The following PIP5K1C variants were observed in gnomAD, a reference collection of about 807,000 sequenced individuals.
PIP5K1C encodes phosphatidylinositol 4-phosphate 5-kinase type-1 gamma.
In PIP5K1C, 45 loss-of-function variants were observed where a neutral mutation model predicts 80.1. The ratio of observed to expected loss-of-function variants is 0.56; its 90% CI spans 0.44 to 0.72. The LOEUF (loss-of-function observed/expected upper bound fraction) is 0.72, where lower values mean the gene tolerates loss of function less well. Ranked by LOEUF, PIP5K1C falls within the 30% of genes least tolerant of loss-of-function variation. The pLI, the probability that PIP5K1C is intolerant of heterozygous loss-of-function variation, is 0.00. For synonymous variants in PIP5K1C, 498 were observed against 420.1 expected, an observed-to-expected ratio of 1.19 and a Z score of -2.27; for missense variants, 753 against 954.6, an observed-to-expected ratio of 0.79 and a Z score of 2.78.
Position 3,643,269 on chromosome 19 carries a change from C to T in PIP5K1C, c.1623G>A (p.Ser541=), listed in dbSNP as rs768352126. 5 of 1,613,606 alleles carry T rather than the reference C, an allele frequency of 3.1e-6. No individual in the cohort carries two copies. Among genetic ancestry groups the T allele is most frequent in the African/African-American group, 2.7e-5 (2 of 74,884 alleles). The part of the protein sequence containing the change: ...TSLSIPERSP[S]ETSEQPRYRR... ...TGTACCGCGGCTGCTCCGACGTCTC[C>T]GAGGGGGACCGCTCAGGAATGGAGA... The change falls in exon 13 of 18, where the codon TCG becomes TCA. Residue 541 remains serine (S), a synonymous_variant. Coordinates refer to ENST00000335312, the MANE Select transcript of PIP5K1C (RefSeq NM_012398.3).
rs1417763626 is a variant in PIP5K1C at position 3,696,540 on chromosome 19, T to C, written c.94+3757A>G. Among the ~76,000 whole-genome samples the C allele has an allele frequency of 7.3e-6, 1 of 137,130 alleles. No individual in the cohort carries two copies. Among genetic ancestry groups the C allele is most frequent in the Admixed American group, 7.7e-5 (1 of 12,980 alleles). The allele number at this position is 137,130 out of a possible 152,430, so 90.0% of individuals were successfully genotyped here. Reference sequence around the variant, plus strand: ...GCAGGGAGGCCTCACGGAGAGGAGATGCTCCCACAAAACCTGGAAAGCGCT... The same window carrying C: ...GCAGGGAGGCCTCACGGAGAGGAGACGCTCCCACAAAACCTGGAAAGCGCT... On this transcript the variant is annotated intron_variant, in intron 1 of 17. Coordinates refer to ENST00000335312, the MANE Select transcript of PIP5K1C (RefSeq NM_012398.3). This position sits in a 1 kb window ranked among gnomAD's most constrained non-coding sequence, Gnocchi z 4.1.
At position 3,653,573 on chromosome 19, in the gene PIP5K1C, G is replaced by C; in HGVS notation, c.638C>G (p.Pro213Arg). ...PGYYMNLNQN[P>R]RTLLPKFYGL... ...ATAGAACTTGGGCAGCAGCGTCCGCGGGTTCTGGTTGAGGTTCTGCCGGGG... is the reference window on the plus strand; with the variant it reads ...ATAGAACTTGGGCAGCAGCGTCCGCCGGTTCTGGTTGAGGTTCTGCCGGGG... The change falls in exon 7 of 18, where the codon CCG (proline) becomes CGG (arginine). Residue 213 changes from proline (P) to arginine (R), a missense_variant. This residue lies in a region of PIP5K1C where 139 missense variants were observed against 289.7 expected (regional missense o/e 0.48). Coordinates refer to ENST00000335312, the MANE Select transcript of PIP5K1C (RefSeq NM_012398.3). 6.2e-7 allele frequency: 1 copy of C among 1,608,362 alleles called. No individual in the cohort carries two copies. Among genetic ancestry groups the C allele is most frequent in the Non-Finnish European group, 8.5e-7 (1 of 1,175,514 alleles).
At chr19:3,700,046 C>T (rs2036247744) in intron 1 of PIP5K1C, among the ~76,000 whole-genome samples, 1 of 152,160 alleles carries the variant, frequency 6.6e-6, no homozygotes, top group Admixed American at 6.5e-5. Context: ...CGGGGATCCC[C>T]AGCGGCGCCC....
intron 3 of PIP5K1C, 117 bp from the exon 4 acceptor site, chr19:3,662,118 C>T (rs2034854360): frequency 7.8e-7 from 1 of 1,279,736 alleles, no homozygotes; most frequent in African/African-American, 1.5e-5. Context: ...CGGCACCTGC[C>T]AACCCCCTCC....
chr19:3,697,135 T>TGAGCCGGACGAAGGAGAACC (rs2036141575), intron 1 of PIP5K1C, among the ~76,000 whole-genome samples: 1 of 138,692 alleles, frequency 7.2e-6, no homozygotes, highest in Non-Finnish European at 1.5e-5. Flanking sequence ...GAAGGAGGAC[T>TGAGCCGGACGAAGGAGAACC]GAGCCGGACG....
Position 3,633,184 on chromosome 19 carries a change from G to C in PIP5K1C, c.2005-15C>G, listed in dbSNP as rs763850408. 1.3e-6 allele frequency: 1 copy of C among 767,474 alleles called. No homozygotes were observed. The allele number at this position is 767,474 out of a possible 1,614,324, so 47.5% of individuals were successfully genotyped here. ...CATAGAAATTACTGCAAGAGCAAGA[G>C]GACAGGTGAAGGTGGGCGGGGCGAG... On this transcript the variant is annotated splice_polypyrimidine_tract_variant and intron_variant, in intron 17 of 17. Coordinates refer to ENST00000335312, the MANE Select transcript of PIP5K1C (RefSeq NM_012398.3).
rs1367025957 is a variant in PIP5K1C, at chr19:3,688,456, C to T, written c.94+11841G>A. ...CCGGAAGGCTATTTCCAGGGCAGCA[C>T]CCCCAGGACTCTGGGGCACACACGT... is the stretch of plus-strand genomic sequence containing the variant. On this transcript the variant is annotated intron_variant, in intron 1 of 17. Coordinates refer to ENST00000335312, the MANE Select transcript of PIP5K1C (RefSeq NM_012398.3). The surrounding 1 kb of genome is among the most constrained non-coding windows in gnomAD (Gnocchi z 5.3). 6.6e-6 allele frequency among the ~76,000 whole-genome samples: 1 copy of T among 152,102 alleles called. No individual in the cohort carries two copies. The highest frequency in any genetic ancestry group is 1.5e-5 in the Non-Finnish European group (1 of 67,996).
At position 3,632,902 on chromosome 19, in the gene PIP5K1C, CT is replaced by C. The variant is rs2145356395; in HGVS notation, c.*264del. The C allele has an allele frequency of 3.9e-6, 2 of 514,470 alleles. No homozygotes were observed. The highest frequency in any genetic ancestry group is 6.8e-6 in the Non-Finnish European group (2 of 292,156). The allele number at this position is 514,470 out of a possible 1,614,324, so 31.9% of individuals were successfully genotyped here. On this transcript the variant is annotated 3_prime_UTR_variant, in exon 18 of 18. Transcript: ENST00000335312. The stretch of plus-strand genomic sequence containing the variant: ...AAACGGCACACACGTGCTTCCGTCT[CT>C]GTGCCAAATAAGGACTCAAATGCGA...
In PIP5K1C at chr19:3,667,364, G is replaced by A. The variant is rs779304266; in HGVS notation, c.95-11C>T. On this transcript the variant is annotated splice_polypyrimidine_tract_variant and intron_variant, in intron 1 of 17. Transcript: ENST00000335312. ...TCTTCTGAGCCAAACCTGCAGAAGAGACAAGCTGGGTATCAGACAGGAAAC... is the reference window on the plus strand; with the variant it reads ...TCTTCTGAGCCAAACCTGCAGAAGAAACAAGCTGGGTATCAGACAGGAAAC... The A allele has an allele frequency of 6.2e-7, 1 of 1,612,870 alleles. No homozygotes were observed. The highest frequency in any genetic ancestry group is 8.5e-7 in the Non-Finnish European group (1 of 1,179,920).
At chr19:3,671,040 A>C (rs1210899391) in intron 1 of PIP5K1C, among the ~76,000 whole-genome samples, 1 of 152,132 alleles carries the variant, frequency 6.6e-6, no homozygotes, top group Non-Finnish European at 1.5e-5. Context: ...TCACGGTTTT[A>C]CGTCCAGGGT....
chr19:3,639,100 G>A, intron 15 of PIP5K1C, 84 bp from the exon 16 acceptor site: 1 of 1,475,822 alleles, frequency 6.8e-7, no homozygotes, highest in Non-Finnish European at 9.3e-7. Flanking sequence ...CCCAGGCAGG[G>A]GCTTCATACG....
intron 6 of PIP5K1C, 42 bp downstream of exon 6, chr19:3,656,363 G>A (rs2034632862): frequency 2.5e-6 from 4 of 1,610,092 alleles, no homozygotes; most frequent in African/African-American, 2.7e-5. Context: ...GGAGAAGGGG[G>A]TTGACCGAGG....
At chr19:3,673,488 G>A (rs537137826) in intron 1 of PIP5K1C, among the ~76,000 whole-genome samples, 3 of 152,334 alleles carry the variant, frequency 2.0e-5, no homozygotes, top group South Asian at 2.1e-4. Context: ...AGAAAGGGGC[G>A]GCAGTGGGAC....
At chr19:3,667,390 C>G in intron 1 of PIP5K1C, 37 bp from the exon 2 acceptor site, 1 of 1,612,458 alleles carries the variant, frequency 6.2e-7, no homozygotes, top group Non-Finnish European at 8.5e-7. Flanking sequence ...GACAGGAAAC[C>G]GGTGACCTCT....
At chr19:3,681,761 A>C (rs1235455925) in intron 1 of PIP5K1C, among the ~76,000 whole-genome samples, 1 of 151,564 alleles carries the variant, frequency 6.6e-6, no homozygotes, top group Non-Finnish European at 1.5e-5. Flanking sequence ...CGGCAGCCCC[A>C]GGGCAGCCCC....
chr19:3,650,646 T>C (rs965670295), intron 8 of PIP5K1C, among the ~76,000 whole-genome samples: 15 of 152,208 alleles, frequency 9.9e-5, no homozygotes, highest in Non-Finnish European at 1.6e-4. Flanking sequence ...CTGAGCCCTG[T>C]GAGGGCAGGG....
At chr19:3,676,628 C>T (rs1270165002) in intron 1 of PIP5K1C, among the ~76,000 whole-genome samples, 1 of 152,166 alleles carries the variant, frequency 6.6e-6, no homozygotes, top group Non-Finnish European at 1.5e-5. Context: ...TCATGATCAC[C>T]GTTTGACAGG....
chr19:3,675,134 G>A (rs960673708), intron 1 of PIP5K1C, among the ~76,000 whole-genome samples: 2 of 152,178 alleles, frequency 1.3e-5, no homozygotes, highest in Non-Finnish European at 2.9e-5. Context: ...GTTTGCTTTC[G>A]GGGTGATGGA....
rs1256082994 is a variant in PIP5K1C at position 3,700,422 on chromosome 19, A to G, written c.-32T>C. The G allele has an allele frequency of 2.9e-6, 3 of 1,051,810 alleles. No homozygotes were observed. The East Asian group carries it at 2.2e-4, about 76-fold the overall frequency. 65.2% of individuals were successfully genotyped at this position (1,051,810 alleles called of 1,614,324 possible). On this transcript the variant is annotated 5_prime_UTR_variant, in exon 1 of 18. Coordinates refer to ENST00000335312, the MANE Select transcript of PIP5K1C (RefSeq NM_012398.3). ...GCGCGGACGGCGGCGGGGGCGCCCG[A>G]GGGGGACCCGAGCTGCGACCGCCGC... is the stretch of plus-strand genomic sequence containing the variant.
Sources: gnomAD v4.1 joint callset for allele counts (sites outside exome capture counted in the v4.1 genomes callset) on GRCh38, gnomAD v4.1.1 for gene constraint, gnomAD v4.1.1 regional missense constraint, Gnocchi (gnomAD v3.1) non-coding constraint, MANE v1.5 for transcripts, NCBI Gene and HGNC (gene_info 2026-07-23, HGNC 2026-07-21) for gene names.